The following PNPLA8 variants were observed in gnomAD, a reference collection of about 807,000 sequenced individuals.
The protein encoded by PNPLA8 is patatin like domain 8, phospholipase A2.
PNPLA8 carries 39 observed loss-of-function variants against 76.9 expected under a neutral mutation model. The ratio of observed to expected loss-of-function variants is 0.51; its 90% CI spans 0.39 to 0.66. The LOEUF (loss-of-function observed/expected upper bound fraction) is 0.66, where lower values mean the gene tolerates loss of function less well. Ranked by LOEUF, PNPLA8 falls within the 30% of genes least tolerant of loss-of-function variation. The pLI is 0.00. For synonymous variants in PNPLA8, 301 were observed against 307.9 expected, an observed-to-expected ratio of 0.98 and a Z score of 0.24; for missense variants, 887 against 918.0, an observed-to-expected ratio of 0.97 and a Z score of 0.44.
Position 108,510,623 on chromosome 7 carries a change from A to G in PNPLA8, c.1206+3521T>C, listed in dbSNP as rs568508732. 11 of 1,562,884 alleles carry G rather than the reference A, an allele frequency of 7.0e-6. 1 individual carries two copies. The highest frequency in any genetic ancestry group is 6.6e-5 in the South Asian group (6 of 90,282). On this transcript the variant is annotated intron_variant, in intron 4 of 10. Transcript: ENST00000257694. ...GAAGCTCAACAAGGCTTCGACTAAC[A>G]TGCTGAGGATTGTAGAGCCATATAT...
At chr7:108,522,164 C>T (rs936805093) in intron 1 of PNPLA8, among the ~76,000 whole-genome samples, 2 of 151,756 alleles carry the variant, frequency 1.3e-5, no homozygotes, top group East Asian at 1.9e-4. Context: ...CGTGGTGGTA[C>T]GTGACTATAG....
At position 108,471,380 on chromosome 7, in the gene PNPLA8, A is replaced by T. The variant is rs950521779; in HGVS notation, c.*1021T>A. The T allele has an allele frequency of 6.6e-6, 1 of 151,792 alleles. No individual in the cohort carries two copies. Among genetic ancestry groups the T allele is most frequent in the Admixed American group, 6.6e-5 (1 of 15,242 alleles). 9.4% of individuals were successfully genotyped at this position (151,792 alleles called of 1,614,324 possible). ...TAGGTGTGCACCACCATGCCGGGCT[A>T]ATGTTTGTATTTTTATTAGAGACGA... is the stretch of plus-strand genomic sequence containing the variant. On this transcript the variant is annotated 3_prime_UTR_variant, in exon 11 of 11. Transcript: ENST00000257694.
At chr7:108,512,097 G>C (rs1862975491) in intron 4 of PNPLA8, among the ~76,000 whole-genome samples, 1 of 152,156 alleles carries the variant, frequency 6.6e-6, no homozygotes, top group African/African-American at 2.4e-5. Flanking sequence ...AACAGGACAG[G>C]ATCTAAGTAA....
chr7:108,484,423 C>T (rs1167158353), intron 9 of PNPLA8, among the ~76,000 whole-genome samples: 1 of 152,062 alleles, frequency 6.6e-6, no homozygotes, highest in Non-Finnish European at 1.5e-5. Flanking sequence ...CAGGGTCTCA[C>T]TTTGTTGCAG....
chr7:108,497,404 T>C, intron 6 of PNPLA8, 79 bp downstream of exon 6: 2 of 954,760 alleles, frequency 2.1e-6, no homozygotes, highest in South Asian at 1.6e-5. Context: ...CAAAGGACTA[T>C]GATCTTAAAC....
rs1860196769 is a variant in PNPLA8, at chr7:108,479,041, A to T, written c.2074+143T>A. On this transcript the variant is annotated intron_variant, in intron 10 of 10. Transcript: ENST00000257694. The stretch of plus-strand genomic sequence containing the variant: ...CAAGAAACAAGTGAGAAAGGAAAAC[A>T]ACAAAATGTTTCCTCCCATGTACTT... 2.4e-5 allele frequency: 14 copies of T among 593,668 alleles called. No homozygotes were observed. In the South Asian group the frequency reaches 3.3e-4, roughly 14 times the overall value. The allele number at this position is 593,668 out of a possible 1,614,324, so 36.8% of individuals were successfully genotyped here. A position where few individuals can be genotyped will look rare whatever the true frequency, so the allele number is the denominator to read the frequency against.
intron 4 of PNPLA8, among the ~76,000 whole-genome samples, chr7:108,504,864 G>T (rs182947310): frequency 6.3e-4 from 95 of 151,888 alleles, no homozygotes; most frequent in Non-Finnish European, 1.2e-3. Flanking sequence ...ATCACCTGAG[G>T]TTGGGAGTTC....
At chr7:108,502,842 G>A (rs1471904260) in intron 4 of PNPLA8, 200 bp from the exon 5 acceptor site, 3 of 374,446 alleles carry the variant, frequency 8.0e-6, no homozygotes, top group Admixed American at 4.5e-5. Context: ...CTAATATTGA[G>A]GACAAAAATT....
chr7:108,482,198 C>A (rs944718116), intron 9 of PNPLA8, among the ~76,000 whole-genome samples: 7 of 152,310 alleles, frequency 4.6e-5, no homozygotes, highest in Admixed American at 1.3e-4. Context: ...AGGCCAGGTG[C>A]AGTGGCTCAT....
At chr7:108,517,858 C>T (rs906242470) in intron 2 of PNPLA8, among the ~76,000 whole-genome samples, 7 of 152,188 alleles carry the variant, frequency 4.6e-5, no homozygotes, top group East Asian at 1.9e-4. Flanking sequence ...ACTACCACCT[C>T]GAACTCCTGG....
chr7:108,514,550 C>A lies in PNPLA8; in HGVS notation c.942G>T (p.Lys314Asn). The A allele has an allele frequency of 1.2e-6, 2 of 1,614,024 alleles. No individual in the cohort carries two copies. The highest frequency in any genetic ancestry group is 1.7e-6 in the Non-Finnish European group (2 of 1,179,908). Residue 314 changes from lysine (K) to asparagine (N), a missense_variant, in exon 3 of 11, where the codon AAG becomes AAT. Transcript: ENST00000257694. ...CTTCTGACTGACTCTTTGAATCATA[C>A]TTTAATTTGGGGACAAGTCCACCAA... Reference protein sequence around the residue: ...GYIGGLVPKLKYDSKSQSEEQ... With the variant: ...GYIGGLVPKLNYDSKSQSEEQ...
intron 4 of PNPLA8, among the ~76,000 whole-genome samples, chr7:108,506,661 A>G (rs1862452296): frequency 6.6e-6 from 1 of 152,196 alleles, no homozygotes; most frequent in South Asian, 2.1e-4. Flanking sequence ...GGGAAAAATG[A>G]AAAGTATACC....
intron 5 of PNPLA8, among the ~76,000 whole-genome samples, chr7:108,501,296 A>C (rs1347682584): frequency 6.6e-6 from 1 of 152,250 alleles, no homozygotes; most frequent in Non-Finnish European, 1.5e-5. Context: ...AGTTGGAAGG[A>C]ACTAGATAAA....
Position 108,472,389 on chromosome 7 carries a change from A to G in PNPLA8, c.*12T>C. The G allele has an allele frequency of 6.6e-7, 1 of 1,524,958 alleles. No homozygotes were observed. The highest frequency in any genetic ancestry group is 8.9e-7 in the Non-Finnish European group (1 of 1,125,238). 94.5% of individuals were successfully genotyped at this position (1,524,958 alleles called of 1,614,324 possible). ...ACAGACCTTCATTTATGAGAACATA[A>G]GCATATACTCATCACAATTTTGAAA... is the stretch of plus-strand genomic sequence containing the variant. On this transcript the variant is annotated 3_prime_UTR_variant, in exon 11 of 11. Coordinates refer to ENST00000257694, the MANE Select transcript of PNPLA8 (RefSeq NM_001256007.3).
chr7:108,524,294 C>T (rs1863934811), intron 1 of PNPLA8, among the ~76,000 whole-genome samples: 1 of 152,126 alleles, frequency 6.6e-6, no homozygotes, highest in South Asian at 2.1e-4. Flanking sequence ...CACATGCCCA[C>T]TGAAGTATAT....
intron 4 of PNPLA8, among the ~76,000 whole-genome samples, chr7:108,504,230 A>G (rs142290406): frequency 0.015 from 2,276 of 152,324 alleles, 26 homozygotes; most frequent in South Asian, 0.054. Flanking sequence ...AGCTTATGCA[A>G]TTTTTTAAAC....
chr7:108,479,371 A>G lies in PNPLA8; in HGVS notation c.1887T>C (p.Gly629=). 6.2e-7 allele frequency: 1 copy of G among 1,604,842 alleles called. No homozygotes were observed. Among genetic ancestry groups the G allele is most frequent in the Non-Finnish European group, 8.5e-7 (1 of 1,175,450 alleles). ...ALGNDLHQDG[G]LLLNNPSALA... ...ATGCCGAAGGGTTATTCAGAAGCAAACCTCCATCCTGCAAAATACAAGTTA... is the reference window on the plus strand; with the variant it reads ...ATGCCGAAGGGTTATTCAGAAGCAAGCCTCCATCCTGCAAAATACAAGTTA... The change falls in exon 10 of 11, where the codon GGT becomes GGC. Residue 629 remains glycine (G), a synonymous_variant. Transcript: ENST00000257694.
intron 4 of PNPLA8, among the ~76,000 whole-genome samples, chr7:108,504,636 T>C (rs1056324627): frequency 6.6e-6 from 1 of 152,336 alleles, no homozygotes; most frequent in Non-Finnish European, 1.5e-5. Context: ...AAAATTCATA[T>C]AGAAATATAA....
chr7:108,499,842 TG>T (rs912673373), intron 5 of PNPLA8, among the ~76,000 whole-genome samples: 1 of 152,232 alleles, frequency 6.6e-6, no homozygotes, highest in African/African-American at 2.4e-5. Context: ...AACTATTTAT[TG>T]GATACAAACT....
Sources: gnomAD v4.1 joint callset for allele counts (sites outside exome capture counted in the v4.1 genomes callset) on GRCh38, gnomAD v4.1.1 for gene constraint, MANE v1.5 for transcripts, NCBI Gene and HGNC (gene_info 2026-07-23, HGNC 2026-07-21) for gene names.